Variants in DOK5 observed in about 807,000 individuals in gnomAD.
DOK5 encodes the protein downstream of tyrosine kinase 5.
A neutral mutation model predicts 43.3 loss-of-function variants in DOK5; 27 were observed. The observed-to-expected ratio is 0.62, with a 90% CI of 0.46 to 0.86. The LOEUF (loss-of-function observed/expected upper bound fraction) is 0.86. Among genes scored for constraint, DOK5 ranks in the 40% least tolerant of loss-of-function variants. The probability of loss-of-function intolerance (pLI) is 0.00; values close to 1 mark genes in which losing one functional copy is unlikely to be tolerated. For synonymous variants in DOK5, 146 were observed against 140.1 expected (o/e 1.04, Z -0.30); for missense variants, 373 against 392.9 (o/e 0.95, Z 0.43).
chr20:54,487,546 C>T (rs1335161245), intron 1 of DOK5, among the ~76,000 whole-genome samples: 4 of 152,124 alleles, frequency 2.6e-5, no homozygotes, highest in East Asian at 1.9e-4. Flanking sequence ...GGTACACAGA[C>T]GCAGTGCAAA....
chr20:54,496,687 A>G (rs1455522474), intron 1 of DOK5, among the ~76,000 whole-genome samples: 2 of 151,056 alleles, frequency 1.3e-5, no homozygotes, highest in South Asian at 4.2e-4. Context: ...AATGGCATGA[A>G]CACGGGAGGT....
chr20:54,615,956 C>T (rs1986795615), intron 6 of DOK5, among the ~76,000 whole-genome samples: 1 of 151,858 alleles, frequency 6.6e-6, no homozygotes. Flanking sequence ...AGGAGCCAGC[C>T]CTGTTGATGC....
intron 1 of DOK5, among the ~76,000 whole-genome samples, chr20:54,518,947 G>GA (rs1195396998): frequency 6.6e-6 from 1 of 152,122 alleles, no homozygotes; most frequent in African/African-American, 2.4e-5. Context: ...AAAGACACAT[G>GA]AAAAAATGCT....
At chr20:54,606,981 C>G (rs1414020830) in intron 5 of DOK5, among the ~76,000 whole-genome samples, 1 of 152,192 alleles carries the variant, frequency 6.6e-6, no homozygotes, top group Non-Finnish European at 1.5e-5. Context: ...GGCCTTTTGA[C>G]TCTCACAACT....
At chr20:54,478,827 G>A (rs564920415) in intron 1 of DOK5, among the ~76,000 whole-genome samples, 5 of 152,154 alleles carry the variant, frequency 3.3e-5, no homozygotes, top group Non-Finnish European at 7.4e-5. Flanking sequence ...GATTCTGCTT[G>A]TATCATTTTC....
At chr20:54,648,792 G>A (rs1226451427) in intron 7 of DOK5, among the ~76,000 whole-genome samples, 1 of 152,172 alleles carries the variant, frequency 6.6e-6, no homozygotes, top group African/African-American at 2.4e-5. Flanking sequence ...GAACAGGAGA[G>A]GAAGTGGGAG....
intron 7 of DOK5, among the ~76,000 whole-genome samples, chr20:54,646,189 ACTT>A (rs1979410856): frequency 6.7e-6 from 1 of 148,394 alleles, no homozygotes; most frequent in South Asian, 2.1e-4. Context: ...ATTTTAATAT[ACTT>A]CTTTAAAAAA....
At chr20:54,563,739 T>C (rs1479629152) in intron 2 of DOK5, among the ~76,000 whole-genome samples, 4 of 150,998 alleles carry the variant, frequency 2.6e-5, no homozygotes, top group Admixed American at 2.0e-4. Flanking sequence ...GTGGGCTCGC[T>C]CTTGTCACAC....
At chr20:54,536,625 G>A (rs1277984450) in intron 1 of DOK5, among the ~76,000 whole-genome samples, 1 of 152,140 alleles carries the variant, frequency 6.6e-6, no homozygotes, top group Non-Finnish European at 1.5e-5. Flanking sequence ...ACAAAAAAAA[G>A]TCCCAGCAAA....
chr20:54,475,756 GC>G lies in DOK5; in HGVS notation c.-188del. 1 of 694,004 alleles carries G rather than the reference GC, an allele frequency of 1.4e-6. No individual in the cohort carries two copies. Among genetic ancestry groups the G allele is most frequent in the South Asian group, 2.0e-5 (1 of 50,938 alleles). 43.0% of individuals were successfully genotyped at this position (694,004 alleles called of 1,614,324 possible). On this transcript the variant is annotated 5_prime_UTR_variant, in exon 1 of 8. Coordinates refer to ENST00000262593, the MANE Select transcript of DOK5 (RefSeq NM_018431.5). The surrounding 1 kb of genome is among the most constrained non-coding windows in gnomAD (Gnocchi z 4.2). ...CCCCGAAAGTGGCTGCAAGCCGGCC[GC>G]CCACTGTCAGGGTTGGGGGGACAGA... is the stretch of plus-strand genomic sequence containing the variant.
chr20:54,516,197 A>G (rs979466706), intron 1 of DOK5, among the ~76,000 whole-genome samples: 1 of 152,216 alleles, frequency 6.6e-6, no homozygotes, highest in Non-Finnish European at 1.5e-5. Context: ...GGGAAGAGAA[A>G]CTATGTTTAA....
chr20:54,594,081 A>G (rs923872355), intron 5 of DOK5, among the ~76,000 whole-genome samples: 5 of 152,222 alleles, frequency 3.3e-5, no homozygotes, highest in Non-Finnish European at 7.3e-5. Flanking sequence ...AATCTGTACA[A>G]TAAGTCACCA....
intron 2 of DOK5, among the ~76,000 whole-genome samples, chr20:54,561,062 G>A (rs1354614003): frequency 2.6e-5 from 4 of 152,154 alleles, no homozygotes; most frequent in Non-Finnish European, 5.9e-5. Flanking sequence ...CACCAGGTTT[G>A]CATGCAGCAC....
At chr20:54,541,643 G>A (rs1984161745) in intron 1 of DOK5, among the ~76,000 whole-genome samples, 1 of 151,904 alleles carries the variant, frequency 6.6e-6, no homozygotes, top group East Asian at 1.9e-4. Context: ...CACCACATTG[G>A]CCAGGCTGGT....
intron 1 of DOK5, among the ~76,000 whole-genome samples, chr20:54,512,902 G>A (rs912324063): frequency 6.6e-6 from 1 of 152,140 alleles, no homozygotes; most frequent in Non-Finnish European, 1.5e-5. Flanking sequence ...CAGAAATGTT[G>A]CGTCAACTCT....
chr20:54,502,110 C>T (rs970360096), intron 1 of DOK5, among the ~76,000 whole-genome samples: 10 of 152,180 alleles, frequency 6.6e-5, no homozygotes, highest in African/African-American at 2.4e-4. Flanking sequence ...ACGTGCATCT[C>T]TGGCTATTTG....
intron 1 of DOK5, among the ~76,000 whole-genome samples, chr20:54,518,694 C>A (rs527940966): frequency 2.0e-5 from 3 of 152,120 alleles, no homozygotes; most frequent in African/African-American, 4.8e-5. Context: ...CCTGAGGAAT[C>A]GCCACACTGA....
At chr20:54,540,126 A>G (rs903623398) in intron 1 of DOK5, among the ~76,000 whole-genome samples, 5 of 151,962 alleles carry the variant, frequency 3.3e-5, no homozygotes, top group African/African-American at 1.2e-4. Flanking sequence ...TCCCTTTGGA[A>G]GCCCCAGGGA....
At chr20:54,601,808 T>G (rs1228466791) in intron 5 of DOK5, among the ~76,000 whole-genome samples, 1 of 152,252 alleles carries the variant, frequency 6.6e-6, no homozygotes, top group Non-Finnish European at 1.5e-5. Context: ...GACACTGTAC[T>G]TCACTGGAGC....
Sources: allele counts gnomAD v4.1 joint callset (sites outside exome capture counted in the v4.1 genomes callset), GRCh38; gene constraint gnomAD v4.1.1; non-coding constraint Gnocchi (gnomAD v3.1); transcripts MANE v1.5; gene names NCBI Gene and HGNC (gene_info 2026-07-23, HGNC 2026-07-21).